Variants in PPP1R12A observed in about 807,000 individuals in gnomAD.
PPP1R12A encodes the protein myosin binding subunit.
Under a neutral mutation model 139.6 loss-of-function variants are expected in PPP1R12A, and 19 were observed. That is an observed-to-expected ratio of 0.14 (90% CI 0.09 to 0.20). The LOEUF (loss-of-function observed/expected upper bound fraction) is 0.20. Ranked by LOEUF, PPP1R12A falls within the 10% of genes least tolerant of loss-of-function variation. The pLI is 1.00. For missense variants in PPP1R12A, 925 were observed against 1,211.5 expected (o/e 0.76, Z 3.51); for synonymous variants, 427 against 420.6 (o/e 1.02, Z -0.19).
intron 1 of PPP1R12A, among the ~76,000 whole-genome samples, chr12:79,891,105 AAG>A (rs1565800569): frequency 6.6e-6 from 1 of 152,188 alleles, no homozygotes; most frequent in Non-Finnish European, 1.5e-5. Flanking sequence ...TTCAGAAAGA[AAG>A]AGCAAAGATA....
chr12:79,861,912 C>T (rs1881374776), intron 2 of PPP1R12A, among the ~76,000 whole-genome samples: 1 of 152,212 alleles, frequency 6.6e-6, no homozygotes, highest in African/African-American at 2.4e-5. Flanking sequence ...CAGCAGACAG[C>T]TTCTCCAGAC....
At chr12:79,934,241 T>C (rs992484083) in intron 1 of PPP1R12A, among the ~76,000 whole-genome samples, 1 of 152,206 alleles carries the variant, frequency 6.6e-6, no homozygotes, top group Non-Finnish European at 1.5e-5. Flanking sequence ...ACAAATCCAA[T>C]GCCCACCTAC....
intron 3 of PPP1R12A, among the ~76,000 whole-genome samples, chr12:79,838,717 T>C (rs1342666272): frequency 1.3e-5 from 2 of 152,202 alleles, no homozygotes; most frequent in Non-Finnish European, 2.9e-5. Context: ...GTTGGGACTA[T>C]GGGTGTGCAG....
Position 79,915,947 on chromosome 12 carries a change from G to A in PPP1R12A, c.237+18748C>T, listed in dbSNP as rs1205725565. On this transcript the variant is annotated intron_variant, in intron 1 of 24. Coordinates refer to ENST00000450142, the MANE Select transcript of PPP1R12A (RefSeq NM_002480.3). ...CCATGTGCTTTACAAAAAAAATCAA[G>A]CTATACTGTTTGCAACATTTCCCCC... Among the ~76,000 whole-genome samples the A allele has an allele frequency of 2.0e-5, 3 of 150,504 alleles. No individual in the cohort carries two copies. The East Asian group carries it at 5.9e-4, about 30-fold the overall frequency.
intron 1 of PPP1R12A, among the ~76,000 whole-genome samples, chr12:79,934,400 C>T (rs1241348973): frequency 6.6e-6 from 1 of 152,204 alleles, no homozygotes; most frequent in Non-Finnish European, 1.5e-5. Flanking sequence ...AAATCCCAGA[C>T]TTATCCACGA....
Position 79,781,769 on chromosome 12 carries a change from A to T in PPP1R12A, c.2955+46T>A, listed in dbSNP as rs1467406254. 2.4e-6 allele frequency: 3 copies of T among 1,230,102 alleles called. No homozygotes were observed. In the African/African-American group the frequency reaches 4.6e-5, roughly 19 times the overall value. The allele number at this position is 1,230,102 out of a possible 1,614,324, so 76.2% of individuals were successfully genotyped here. On this transcript the variant is annotated intron_variant, in intron 23 of 24. Coordinates refer to ENST00000450142, the MANE Select transcript of PPP1R12A (RefSeq NM_002480.3). ...ACAAAAAACCTACCATTGTTTACCT[A>T]AAACAAGAAAGAAAAAAATAATTAT...
At chr12:79,886,263 T>G (rs1461408979) in intron 1 of PPP1R12A, among the ~76,000 whole-genome samples, 1 of 152,132 alleles carries the variant, frequency 6.6e-6, no homozygotes, top group Non-Finnish European at 1.5e-5. Flanking sequence ...ACTCCTATAC[T>G]AAATAATAAA....
chr12:79,872,549 A>G (rs1224638533), intron 2 of PPP1R12A, among the ~76,000 whole-genome samples: 2 of 152,156 alleles, frequency 1.3e-5, no homozygotes, highest in Non-Finnish European at 2.9e-5. Flanking sequence ...TCAAAAGAAA[A>G]AAGATGGAGA....
intron 1 of PPP1R12A, among the ~76,000 whole-genome samples, chr12:79,896,204 C>T (rs537053554): frequency 3.1e-4 from 47 of 152,188 alleles, no homozygotes; most frequent in African/African-American, 1.1e-3. Flanking sequence ...ATATGAGTAA[C>T]ATAAGACCTT....
At chr12:79,900,546 T>C (rs1885543364) in intron 1 of PPP1R12A, among the ~76,000 whole-genome samples, 1 of 152,370 alleles carries the variant, frequency 6.6e-6, no homozygotes, top group Non-Finnish European at 1.5e-5. Context: ...TTTTCAAGGC[T>C]ATAGCTTTAA....
At chr12:79,816,470 G>A (rs1358266081) in intron 9 of PPP1R12A, among the ~76,000 whole-genome samples, 1 of 151,958 alleles carries the variant, frequency 6.6e-6, no homozygotes, top group Non-Finnish European at 1.5e-5. Flanking sequence ...AAAAAAGGAC[G>A]GGTGAAGAGA....
intron 1 of PPP1R12A, among the ~76,000 whole-genome samples, chr12:79,876,260 GCTTA>G (rs540773746): frequency 1.5e-3 from 222 of 152,076 alleles, no homozygotes; most frequent in African/African-American, 5.1e-3. Flanking sequence ...TATATACTTT[GCTTA>G]CTTATTTACC....
intron 9 of PPP1R12A, among the ~76,000 whole-genome samples, chr12:79,815,078 G>T (rs1875173639): frequency 6.6e-6 from 1 of 152,092 alleles, no homozygotes. Context: ...ACTAACAGAG[G>T]TTATAAAGTA....
chr12:79,866,261 T>C (rs566361607), intron 2 of PPP1R12A, among the ~76,000 whole-genome samples: 4 of 152,322 alleles, frequency 2.6e-5, no homozygotes, highest in South Asian at 2.1e-4. Context: ...GAAAACTGGC[T>C]AGCCATATGC....
chr12:79,891,146 T>C (rs1328626504), intron 1 of PPP1R12A, among the ~76,000 whole-genome samples: 1 of 152,084 alleles, frequency 6.6e-6, no homozygotes, highest in Admixed American at 6.6e-5. Context: ...AACCTAGTAA[T>C]TATTCAGCTA....
intron 1 of PPP1R12A, among the ~76,000 whole-genome samples, chr12:79,915,422 G>C (rs1267906968): frequency 6.6e-6 from 1 of 152,122 alleles, no homozygotes; most frequent in African/African-American, 2.4e-5. Flanking sequence ...ACATTCTACA[G>C]ATGTGATCTT....
At chr12:79,826,337 GTTTTTTTTTTTTT>G (rs34658905) in intron 5 of PPP1R12A, among the ~76,000 whole-genome samples, 1 of 117,194 alleles carries the variant, frequency 8.5e-6, no homozygotes, top group African/African-American at 3.3e-5. Context: ...ATTGTTTCGG[GTTTTTTTTTTTTT>G]TTTTTTTTTG....
At chr12:79,870,672 G>C (rs1276668473) in intron 2 of PPP1R12A, among the ~76,000 whole-genome samples, 1 of 152,076 alleles carries the variant, frequency 6.6e-6, no homozygotes, top group Non-Finnish European at 1.5e-5. Flanking sequence ...GGCCAAAAAA[G>C]GTCACTTTTG....
intron 2 of PPP1R12A, among the ~76,000 whole-genome samples, chr12:79,854,980 AATTATT>A (rs568597394): frequency 3.6e-4 from 55 of 151,312 alleles, no homozygotes; most frequent in African/African-American, 1.5e-4. Flanking sequence ...ACCAAGTAAC[AATTATT>A]ATTATTATTA....
Sources: allele counts gnomAD v4.1 joint callset (sites outside exome capture counted in the v4.1 genomes callset), GRCh38; gene constraint gnomAD v4.1.1; transcripts MANE v1.5; gene names NCBI Gene and HGNC (gene_info 2026-07-23, HGNC 2026-07-21).